The following EIF4EBP1 variants were observed in gnomAD, a reference collection of about 807,000 sequenced individuals.
EIF4EBP1 encodes eukaryotic translation initiation factor 4E-binding protein 1.
Under a neutral mutation model 9.2 loss-of-function variants are expected in EIF4EBP1, and 5 were observed. That is an observed-to-expected ratio of 0.54 (90% CI 0.28 to 1.14). The LOEUF (loss-of-function observed/expected upper bound fraction) is 1.14. Ranked by LOEUF, EIF4EBP1 falls within the 50% of genes most tolerant of loss-of-function variation. The pLI is 0.09. For synonymous variants in EIF4EBP1, 62 were observed against 67.0 expected (o/e 0.93, Z 0.36); for missense variants, 139 against 169.6 (o/e 0.82, Z 1.00).
At chr8:38,050,138 CT>C (rs1809499976) in intron 1 of EIF4EBP1, among the ~76,000 whole-genome samples, 1 of 151,730 alleles carries the variant, frequency 6.6e-6, no homozygotes, top group Non-Finnish European at 1.5e-5. Context: ...TCTTGAACTC[CT>C]GATCTCATGT....
chr8:38,036,897 G>A (rs776894892), intron 1 of EIF4EBP1, among the ~76,000 whole-genome samples: 2 of 151,418 alleles, frequency 1.3e-5, no homozygotes, highest in South Asian at 2.1e-4. Context: ...TAATCCACCC[G>A]CCTTGACCTC....
chr8:38,035,996 C>T (rs998610481), intron 1 of EIF4EBP1, among the ~76,000 whole-genome samples: 10 of 150,694 alleles, frequency 6.6e-5, no homozygotes, highest in East Asian at 2.0e-4. Context: ...CATGAGTCAC[C>T]GCGCCCGGCC....
chr8:38,053,662 G>C (rs1008586431), intron 1 of EIF4EBP1, among the ~76,000 whole-genome samples: 12 of 152,220 alleles, frequency 7.9e-5, no homozygotes, highest in African/African-American at 2.9e-4. Flanking sequence ...GTGTCCATCA[G>C]TCAGAGGAAA....
intron 2 of EIF4EBP1, among the ~76,000 whole-genome samples, chr8:38,059,324 C>T (rs1318808545): frequency 9.2e-5 from 14 of 152,156 alleles, no homozygotes; most frequent in African/African-American, 2.9e-4. Context: ...CTCTCTTGCT[C>T]CTGCTTCCTC....
intron 1 of EIF4EBP1, among the ~76,000 whole-genome samples, chr8:38,052,717 CAAAA>C (rs746753182): frequency 8.3e-6 from 1 of 120,902 alleles, no homozygotes; most frequent in Admixed American, 8.9e-5. Context: ...GACTCCATCT[CAAAA>C]AAAAAAAAAA....
chr8:38,031,323 T>C (rs1809215683), intron 1 of EIF4EBP1, among the ~76,000 whole-genome samples: 1 of 152,054 alleles, frequency 6.6e-6, no homozygotes, highest in South Asian at 2.1e-4. Context: ...GCCAGGGCTG[T>C]GCAGAAAAAC....
chr8:38,042,430 C>T (rs1809394784), intron 1 of EIF4EBP1, among the ~76,000 whole-genome samples: 1 of 152,098 alleles, frequency 6.6e-6, no homozygotes, highest in African/African-American at 2.4e-5. Flanking sequence ...AGTGGGCCTG[C>T]CTTAGTTTAC....
intron 2 of EIF4EBP1, among the ~76,000 whole-genome samples, chr8:38,058,725 T>C (rs2130403608): frequency 6.6e-6 from 1 of 152,300 alleles, no homozygotes; most frequent in Non-Finnish European, 1.5e-5. Context: ...CTTCCAGCTG[T>C]GAGCCTGTGA....
rs147866394 is a variant in EIF4EBP1, at chr8:38,042,751, G to A, written c.145+12033G>A. Reference sequence around the variant, plus strand: ...TACAGTTGCATTCCGAGGTACTGGGGTTGGGCTTCAACATAAGAGTTTTGG... The same window carrying A: ...TACAGTTGCATTCCGAGGTACTGGGATTGGGCTTCAACATAAGAGTTTTGG... On this transcript the variant is annotated intron_variant, in intron 1 of 2. Coordinates refer to ENST00000338825, the MANE Select transcript of EIF4EBP1 (RefSeq NM_004095.4). Among the ~76,000 whole-genome samples, 223 of 152,288 alleles carry A rather than the reference G, an allele frequency of 1.5e-3. 1 individual carries two copies. The highest frequency in any genetic ancestry group is 5.1e-3 in the African/African-American group (211 of 41,560).
Position 38,060,169 on chromosome 8 carries a change from C to T in EIF4EBP1, c.*234C>T, listed in dbSNP as rs899557409. ...GGAGCTGCCACCCCAAGGGGAGTGACCCCTGCCAGCACACCCTGCAGCCAA... is the reference window on the plus strand; with the variant it reads ...GGAGCTGCCACCCCAAGGGGAGTGATCCCTGCCAGCACACCCTGCAGCCAA... On this transcript the variant is annotated 3_prime_UTR_variant, in exon 3 of 3. Coordinates refer to ENST00000338825, the MANE Select transcript of EIF4EBP1 (RefSeq NM_004095.4). The T allele has an allele frequency of 5.1e-6, 3 of 594,024 alleles. No homozygotes were observed. The highest frequency in any genetic ancestry group is 2.9e-5 in the Admixed American group (1 of 34,106). The allele number at this position is 594,024 out of a possible 1,614,324, so 36.8% of individuals were successfully genotyped here.
In EIF4EBP1 at chr8:38,030,550, C is replaced by A; in HGVS notation, c.-24C>A. 1 of 1,492,604 alleles carries A rather than the reference C, an allele frequency of 6.7e-7. No homozygotes were observed. Among genetic ancestry groups the A allele is most frequent in the Non-Finnish European group, 8.9e-7 (1 of 1,127,130 alleles). The allele number at this position is 1,492,604 out of a possible 1,614,324, so 92.5% of individuals were successfully genotyped here. A position where few individuals can be genotyped will look rare whatever the true frequency, so the allele number is the denominator to read the frequency against. ...AGGCGCGGGAGGGCAGCGAGAGGTTCGCGGGTGCAGCGCACAGGAGACCAT... is the reference window on the plus strand; with the variant it reads ...AGGCGCGGGAGGGCAGCGAGAGGTTAGCGGGTGCAGCGCACAGGAGACCAT... On this transcript the variant is annotated 5_prime_UTR_variant, in exon 1 of 3. Coordinates refer to ENST00000338825, the MANE Select transcript of EIF4EBP1 (RefSeq NM_004095.4).
chr8:38,047,611 A>G (rs1809463755), intron 1 of EIF4EBP1, among the ~76,000 whole-genome samples: 1 of 151,974 alleles, frequency 6.6e-6, no homozygotes, highest in Non-Finnish European at 1.5e-5. Flanking sequence ...CAGCCTCCCA[A>G]GTAGCTGGGA....
chr8:38,053,459 TCTC>T (rs1809553216), intron 1 of EIF4EBP1, among the ~76,000 whole-genome samples: 1 of 151,984 alleles, frequency 6.6e-6, no homozygotes, highest in Non-Finnish European at 1.5e-5. Context: ...TTCAAGCGAT[TCTC>T]CTGCCTCAGT....
intron 2 of EIF4EBP1, among the ~76,000 whole-genome samples, chr8:38,059,191 G>A (rs1450037727): frequency 6.6e-6 from 1 of 152,206 alleles, no homozygotes; most frequent in Admixed American, 6.5e-5. Context: ...TGGAGGTAGG[G>A]CCTGGTGGGA....
intron 2 of EIF4EBP1, among the ~76,000 whole-genome samples, chr8:38,058,765 T>C (rs945643246): frequency 1.3e-5 from 2 of 152,162 alleles, no homozygotes; most frequent in African/African-American, 4.8e-5. Context: ...TTTCAAAAAA[T>C]AGGGGCTGTC....
At chr8:38,046,722 A>C (rs1222501581) in intron 1 of EIF4EBP1, among the ~76,000 whole-genome samples, 1 of 152,232 alleles carries the variant, frequency 6.6e-6, no homozygotes. Flanking sequence ...AATCTGGAGA[A>C]GCAGAAACTG....
chr8:38,042,625 C>A (rs961652331), intron 1 of EIF4EBP1, among the ~76,000 whole-genome samples: 1 of 152,180 alleles, frequency 6.6e-6, no homozygotes, highest in African/African-American at 2.4e-5. Context: ...CTGTCTGCAT[C>A]CAAATCTCTT....
intron 1 of EIF4EBP1, among the ~76,000 whole-genome samples, chr8:38,055,338 CAAAA>C (rs1213556019): frequency 1.3e-5 from 2 of 151,888 alleles, no homozygotes; most frequent in Non-Finnish European, 2.9e-5. Flanking sequence ...AATTAAAAAT[CAAAA>C]AAGTAAAATA....
chr8:38,057,311 G>A (rs769542261), intron 2 of EIF4EBP1, 51 bp downstream of exon 2: 33 of 1,542,352 alleles, frequency 2.1e-5, no homozygotes, highest in Middle Eastern at 2.0e-4. Flanking sequence ...GAATGTATGA[G>A]GCTCCTGGAG....
Sources: allele counts gnomAD v4.1 joint callset (sites outside exome capture counted in the v4.1 genomes callset), GRCh38; gene constraint gnomAD v4.1.1; transcripts MANE v1.5; gene names NCBI Gene and HGNC (gene_info 2026-07-23, HGNC 2026-07-21).